The following SYT5 variants were observed in gnomAD, a reference collection of about 807,000 sequenced individuals.
SYT5 encodes the protein synaptotagmin-5.
Under a neutral mutation model 36.0 loss-of-function variants are expected in SYT5, and 29 were observed. The observed-to-expected ratio is 0.81, with a 90% CI of 0.60 to 1.10. The LOEUF (loss-of-function observed/expected upper bound fraction) is 1.10. Ranked by LOEUF, SYT5 falls within the 50% of genes least tolerant of loss-of-function variation. The probability of loss-of-function intolerance (pLI) is 0.00; values close to 1 mark genes in which losing one functional copy is unlikely to be tolerated. For missense variants in SYT5, 512 were observed against 516.0 expected, an observed-to-expected ratio of 0.99 and a Z score of 0.08; for synonymous variants, 231 against 227.6, an observed-to-expected ratio of 1.02 and a Z score of -0.14.
Position 55,179,423 on chromosome 19 carries a change from A to C in SYT5, c.-45-337T>G. 6.7e-6 allele frequency: 3 copies of C among 450,758 alleles called. No individual in the cohort carries two copies. The highest frequency in any genetic ancestry group is 7.5e-6 in the Non-Finnish European group (2 of 265,832). The allele number at this position is 450,758 out of a possible 1,614,324, so 27.9% of individuals were successfully genotyped here. ...CCAGAGCAACAGCCGGGCTCCTCTCAAGCGGGGTGAGAGCAAAGCTGGTTG... is the reference window on the plus strand; with the variant it reads ...CCAGAGCAACAGCCGGGCTCCTCTCCAGCGGGGTGAGAGCAAAGCTGGTTG... On this transcript the variant is annotated intron_variant, in intron 1 of 8. Transcript: ENST00000354308. The surrounding 1 kb of genome is among the most constrained non-coding windows in gnomAD (Gnocchi z 4.5).
At chr19:55,174,002 G>C (rs758328722) in intron 8 of SYT5, 5 of 332,162 alleles carry the variant, frequency 1.5e-5, no homozygotes, top group African/African-American at 6.4e-5. Context: ...ACTTTAACAG[G>C]GGCCGGGCTA....
chr19:55,173,111 A>G lies in SYT5; in HGVS notation c.*373T>C, dbSNP rs553024395. ...GGGCCCAGGCCACCGGAGCTGCTGA[A>G]TATTTATTTGGCCCCAGGAGCAGTG... On this transcript the variant is annotated 3_prime_UTR_variant, in exon 9 of 9. Transcript: ENST00000354308. This position sits in a 1 kb window ranked among gnomAD's most constrained non-coding sequence, Gnocchi z 5.4. 1 of 193,252 alleles carries G rather than the reference A, an allele frequency of 5.2e-6. No individual in the cohort carries two copies. The highest frequency in any genetic ancestry group is 2.3e-5 in the African/African-American group (1 of 43,180). The allele number at this position is 193,252 out of a possible 1,614,324, so 12.0% of individuals were successfully genotyped here. A position where few individuals can be genotyped will look rare whatever the true frequency, so the allele number is the denominator to read the frequency against.
chr19:55,176,493 T>A (rs1042630382), intron 3 of SYT5, among the ~76,000 whole-genome samples: 2 of 152,248 alleles, frequency 1.3e-5, no homozygotes, highest in African/African-American at 4.8e-5. Context: ...TTACTTGTGA[T>A]CTTAGCACAG....
chr19:55,172,274 A>T lies in SYT5; in HGVS notation c.*1210T>A, dbSNP rs2086012569. 6.6e-6 allele frequency: 1 copy of T among 151,208 alleles called. No homozygotes were observed. The highest frequency in any genetic ancestry group is 1.5e-5 in the Non-Finnish European group (1 of 67,910). The allele number at this position is 151,208 out of a possible 1,614,324, so 9.4% of individuals were successfully genotyped here. On this transcript the variant is annotated 3_prime_UTR_variant, in exon 9 of 9. Transcript: ENST00000354308. ...TCTCTACTAAAAATACAAAAAAATTAGCCGGGTGTGGTGGCGGGCGCCTGT... is the reference window on the plus strand; with the variant it reads ...TCTCTACTAAAAATACAAAAAAATTTGCCGGGTGTGGTGGCGGGCGCCTGT...
At position 55,179,063 on chromosome 19, in the gene SYT5, T is replaced by G; in HGVS notation, c.-22A>C. Reference sequence around the variant, plus strand: ...ACATGGTGGCGGGGTCCTGGAGTCTTTTCTGCAGAGACACTCAAGCACCCT... The same window carrying G: ...ACATGGTGGCGGGGTCCTGGAGTCTGTTCTGCAGAGACACTCAAGCACCCT... On this transcript the variant is annotated 5_prime_UTR_variant, in exon 2 of 9. Transcript: ENST00000354308. This position sits in a 1 kb window ranked among gnomAD's most constrained non-coding sequence, Gnocchi z 4.5. 1 of 1,598,030 alleles carries G rather than the reference T, an allele frequency of 6.3e-7. No homozygotes were observed. Among genetic ancestry groups the G allele is most frequent in the African/African-American group, 1.3e-5 (1 of 74,708 alleles).
rs2086036463 is a variant in SYT5, at chr19:55,173,957, G to T, written c.961-273C>A. ...GAGCGGGTGTGTTCGGCGCCTCCTG[G>T]GGGAGCAGCCTCCTAAGAGCCGCAA... On this transcript the variant is annotated intron_variant, in intron 8 of 8. Coordinates refer to ENST00000354308, the MANE Select transcript of SYT5 (RefSeq NM_003180.3). The surrounding 1 kb of genome is among the most constrained non-coding windows in gnomAD (Gnocchi z 5.4). 1 of 384,264 alleles carries T rather than the reference G, an allele frequency of 2.6e-6. No individual in the cohort carries two copies. The highest frequency in any genetic ancestry group is 4.5e-5 in the Admixed American group (1 of 22,104). 23.8% of individuals were successfully genotyped at this position (384,264 alleles called of 1,614,324 possible).
Position 55,171,333 on chromosome 19 carries a change from A to G in SYT5, c.*2151T>C, listed in dbSNP as rs980016409. 2 of 151,694 alleles carry G rather than the reference A, an allele frequency of 1.3e-5. No homozygotes were observed. The highest frequency in any genetic ancestry group is 4.9e-5 in the African/African-American group (2 of 40,810). The allele number at this position is 151,694 out of a possible 1,614,324, so 9.4% of individuals were successfully genotyped here. The stretch of plus-strand genomic sequence containing the variant: ...CACACACACACACACACACACACAC[A>G]CACACACACACACTCACACACATGA... On this transcript the variant is annotated 3_prime_UTR_variant, in exon 9 of 9. Transcript: ENST00000354308.
At position 55,179,258 on chromosome 19, in the gene SYT5, C is replaced by G; in HGVS notation, c.-45-172G>C. 2.1e-6 allele frequency: 3 copies of G among 1,455,892 alleles called. No individual in the cohort carries two copies. The highest frequency in any genetic ancestry group is 1.8e-6 in the Non-Finnish European group (2 of 1,107,946). 90.2% of individuals were successfully genotyped at this position (1,455,892 alleles called of 1,614,324 possible). A position where few individuals can be genotyped will look rare whatever the true frequency, so the allele number is the denominator to read the frequency against. On this transcript the variant is annotated intron_variant, in intron 1 of 8. Transcript: ENST00000354308. The surrounding 1 kb of genome is among the most constrained non-coding windows in gnomAD (Gnocchi z 4.5). ...GCACTTGAGAGGGGGTGTCCAGGAC[C>G]TAGTTCCATCCTAAAGGGATACCCT...
At position 55,178,255 on chromosome 19, in the gene SYT5, C is replaced by G. The variant is rs750181199; in HGVS notation, c.193G>C (p.Ala65Pro). The G allele has an allele frequency of 1.2e-5, 20 of 1,610,086 alleles. No individual in the cohort carries two copies. The highest frequency in any genetic ancestry group is 1.7e-5 in the Admixed American group (1 of 59,104). Reference sequence around the variant, plus strand: ...TCCTGAAGGTGGACCTGGGCTTGGGCCTGGCTCTTCTTGCCTGTCCGCCTC... The same window carrying G: ...TCCTGAAGGTGGACCTGGGCTTGGGGCTGGCTCTTCTTGCCTGTCCGCCTC... ...CRRRTGKKSQAQAQVHLQEVK... is the reference protein window; with the variant it reads ...CRRRTGKKSQPQAQVHLQEVK... Residue 65 changes from alanine (A) to proline (P), a missense_variant, in exon 3 of 9, where the codon GCC becomes CCC. Ala to Pro is a conservative substitution (Grantham distance 27). Transcript: ENST00000354308.
Position 55,175,183 on chromosome 19 carries a change from G to A in SYT5, c.697C>T (p.Pro233Ser). ...CCGCGCATGCTCACCTCCTCCCGCG[G>A]AGCCGCCTGCAGCTCCCGCCAGGCC... is the stretch of plus-strand genomic sequence containing the variant. ...VQAWRELQAA[P>S]REEQEKLGDI... The change falls in exon 6 of 9, where the codon CCG (proline) becomes TCG (serine). Residue 233 changes from proline (P) to serine (S), a missense_variant. Transcript: ENST00000354308. The surrounding 1 kb of genome is among the most constrained non-coding windows in gnomAD (Gnocchi z 4.5). 1 of 1,601,950 alleles carries A rather than the reference G, an allele frequency of 6.2e-7. No homozygotes were observed. The highest frequency in any genetic ancestry group is 1.1e-5 in the South Asian group (1 of 89,968).
intron 2 of SYT5, 79 bp from the exon 3 acceptor site, chr19:55,178,447 T>C: frequency 4.2e-6 from 6 of 1,438,768 alleles, no homozygotes; most frequent in Middle Eastern, 1.9e-4. Flanking sequence ...ACGTGGAAGC[T>C]GGAATGCTGG....
intron 8 of SYT5, among the ~76,000 whole-genome samples, chr19:55,174,283 G>T (rs1051132036): frequency 6.6e-6 from 1 of 152,144 alleles, no homozygotes; most frequent in South Asian, 2.1e-4. Flanking sequence ...GTACTGCTTA[G>T]GGGTGGGACA....
In SYT5 at chr19:55,179,435, AG is replaced by A. The variant is rs2086121960; in HGVS notation, c.-45-350del. On this transcript the variant is annotated intron_variant, in intron 1 of 8. Coordinates refer to ENST00000354308, the MANE Select transcript of SYT5 (RefSeq NM_003180.3). The surrounding 1 kb of genome is among the most constrained non-coding windows in gnomAD (Gnocchi z 4.5). ...CCGGGCTCCTCTCAAGCGGGGTGAG[AG>A]CAAAGCTGGTTGCCCGGGCAACGGG... 1 of 423,752 alleles carries A rather than the reference AG, an allele frequency of 2.4e-6. No homozygotes were observed. The highest frequency in any genetic ancestry group is 4.5e-5 in the Admixed American group (1 of 22,342). The allele number at this position is 423,752 out of a possible 1,614,324, so 26.2% of individuals were successfully genotyped here. A position where few individuals can be genotyped will look rare whatever the true frequency, so the allele number is the denominator to read the frequency against.
In SYT5 at chr19:55,173,776, C is replaced by G; in HGVS notation, c.961-92G>C. 7.9e-7 allele frequency: 1 copy of G among 1,260,958 alleles called. No individual in the cohort carries two copies. The highest frequency in any genetic ancestry group is 2.9e-5 in the South Asian group (1 of 34,098). The allele number at this position is 1,260,958 out of a possible 1,614,324, so 78.1% of individuals were successfully genotyped here. On this transcript the variant is annotated intron_variant, in intron 8 of 8. Coordinates refer to ENST00000354308, the MANE Select transcript of SYT5 (RefSeq NM_003180.3). This position sits in a 1 kb window ranked among gnomAD's most constrained non-coding sequence, Gnocchi z 5.4. ...TCCGTTTTCACGGCTGAGGGTACCTCTCGCTGCCACCCGAGGGCTCGGGGC... is the reference window on the plus strand; with the variant it reads ...TCCGTTTTCACGGCTGAGGGTACCTGTCGCTGCCACCCGAGGGCTCGGGGC...
rs906203719 is a variant in SYT5 at position 55,178,403 on chromosome 19, T to C, written c.80-35A>G. On this transcript the variant is annotated intron_variant, in intron 2 of 8. Transcript: ENST00000354308. ...GGTGGAGACAACACACATTGAGGCCTGGGCAGCACGCAGGCTGATTCAGTC... is the reference window on the plus strand; with the variant it reads ...GGTGGAGACAACACACATTGAGGCCCGGGCAGCACGCAGGCTGATTCAGTC... The C allele has an allele frequency of 5.0e-6, 8 of 1,592,832 alleles. No homozygotes were observed. The African/African-American group carries it at 9.4e-5, about 19-fold the overall frequency.
rs750422082 is a variant in SYT5, at chr19:55,174,871, T to C, written c.826+11A>G. ...ATCCCCACACACCCCACTCCCTTGC[T>C]TCCCACACACCTGACAGTCCTCCTA... On this transcript the variant is annotated intron_variant, in intron 7 of 8. Transcript: ENST00000354308. The C allele has an allele frequency of 7.4e-6, 12 of 1,613,160 alleles. No homozygotes were observed. In the South Asian group the frequency reaches 7.7e-5, roughly 10 times the overall value.
intron 3 of SYT5, among the ~76,000 whole-genome samples, chr19:55,176,781 T>G (rs945288554): frequency 3.9e-5 from 6 of 152,134 alleles, no homozygotes; most frequent in Admixed American, 2.6e-4. Flanking sequence ...GGGACAGGGA[T>G]GGGGCTGGAC....
rs774617144 is a variant in SYT5 at position 55,175,259 on chromosome 19, G to C, written c.621C>G (p.Ile207Met). ...AGCTCATAGGGACCCGCACCTCCCC[G>C]ATGGCGTCATTGCGAGAGAAGCGGT... ...DFDRFSRNDA[I>M]GEVRVPMSSV... The change falls in exon 6 of 9, where the codon ATC becomes ATG. Residue 207 changes from isoleucine to methionine, a missense_variant. Coordinates refer to ENST00000354308, the MANE Select transcript of SYT5 (RefSeq NM_003180.3). This position sits in a 1 kb window ranked among gnomAD's most constrained non-coding sequence, Gnocchi z 4.5. 5.0e-6 allele frequency: 8 copies of C among 1,606,416 alleles called. No homozygotes were observed. The highest frequency in any genetic ancestry group is 6.8e-6 in the Non-Finnish European group (8 of 1,177,546).
At chr19:55,178,753 ATTTTTTTTTTTTTTTTTTT>A (rs5828614) in intron 2 of SYT5, among the ~76,000 whole-genome samples, 191 bp downstream of exon 2, 3 of 50,474 alleles carry the variant, frequency 5.9e-5, no homozygotes, top group African/African-American at 1.9e-4. Context: ...TCCGGTTTCG[ATTTTTTTTTTTTTTTTTTT>A]TTTTTTTTTT....
Sources: gnomAD v4.1 joint callset for allele counts (sites outside exome capture counted in the v4.1 genomes callset) on GRCh38, gnomAD v4.1.1 for gene constraint, Gnocchi (gnomAD v3.1) non-coding constraint, MANE v1.5 for transcripts, NCBI Gene and HGNC (gene_info 2026-07-23, HGNC 2026-07-21) for gene names.